VPS13D: variants seen among roughly 807,000 people sequenced by gnomAD.
VPS13D encodes vacuolar protein sorting 13 homolog D.
In VPS13D, 187 loss-of-function variants were observed where a neutral mutation model predicts 461.9. The ratio of observed to expected loss-of-function variants is 0.40; its 90% CI spans 0.36 to 0.46. The LOEUF (loss-of-function observed/expected upper bound fraction) is 0.46. Among genes scored for constraint, VPS13D ranks in the 20% least tolerant of loss-of-function variants. The pLI is 0.60. For missense variants in VPS13D, 4,711 were observed against 5,364.9 expected, an observed-to-expected ratio of 0.88 and a Z score of 3.81; for synonymous variants, 1,951 against 1,986.3, an observed-to-expected ratio of 0.98 and a Z score of 0.47.
Position 12,358,584 on chromosome 1 carries a change from GGC to G in VPS13D, c.10125_10126del (p.Leu3376AspfsTer3). ...GTCATCCAGCAAGGAAACCGCCCAGGGCTGATCTATAACATTGGTGGGTTACA... is the reference window on the plus strand; with the variant it reads ...GTCATCCAGCAAGGAAACCGCCCAGGTGATCTATAACATTGGTGGGTTACA... On this transcript the variant is annotated frameshift_variant, in exon 50 of 70. Transcript: ENST00000620676. LOFTEE classifies it high-confidence loss of function. The G allele has an allele frequency of 6.2e-7, 1 of 1,614,070 alleles. No individual in the cohort carries two copies. The highest frequency in any genetic ancestry group is 8.5e-7 in the Non-Finnish European group (1 of 1,179,994).
chr1:12,270,970 T>A (rs1310914180), intron 16 of VPS13D, 24 bp from the exon 17 acceptor site: 14 of 1,610,768 alleles, frequency 8.7e-6, no homozygotes, highest in Non-Finnish European at 1.2e-5. Flanking sequence ...ATTCTGACTC[T>A]GCTGTGTATT....
chr1:12,317,923 A>T, intron 30 of VPS13D, 149 bp from the exon 31 acceptor site: 1 of 680,454 alleles, frequency 1.5e-6, no homozygotes, highest in South Asian at 1.8e-5. Context: ...GTGTTATTCA[A>T]CCAGTGTTCA....
intron 29 of VPS13D, 114 bp downstream of exon 29, chr1:12,312,039 T>TA: frequency 4.7e-5 from 39 of 828,758 alleles, no homozygotes; most frequent in Middle Eastern, 3.5e-4. Flanking sequence ...TGGAATGTTG[T>TA]CTGCAGAGTG....
In VPS13D at chr1:12,311,845, G is replaced by C. The variant is rs781433181; in HGVS notation, c.6855G>C (p.Met2285Ile). ...TVLSGEVYTC[M>I]CFLIDMVNVS... The stretch of plus-strand genomic sequence containing the variant: ...TGAGTGGAGAAGTGTACACCTGTAT[G>C]TGCTTCCTCATTGATATGGTGAATG... The change falls in exon 29 of 70, where the codon ATG becomes ATC. Residue 2285 changes from methionine (M) to isoleucine (I), a missense_variant. Physicochemically the swap from Met to Ile is conservative, Grantham distance 10. Around this residue, in one of 3 missense-constraint regions of VPS13D, gnomAD observed 4,411 missense variants for 4,937.8 expected, o/e 0.89. Coordinates refer to ENST00000620676, the MANE Select transcript of VPS13D (RefSeq NM_015378.4). 6.2e-7 allele frequency: 1 copy of C among 1,614,172 alleles called. No individual in the cohort carries two copies. The highest frequency in any genetic ancestry group is 1.1e-5 in the South Asian group (1 of 91,084).
intron 65 of VPS13D, among the ~76,000 whole-genome samples, chr1:12,426,862 A>G (rs1644929870): frequency 6.6e-6 from 1 of 152,076 alleles, no homozygotes; most frequent in South Asian, 2.1e-4. Flanking sequence ...AAAAATAAAA[A>G]AATTAGCTGG....
chr1:12,234,008 A>G (rs1640068384), intron 1 of VPS13D, among the ~76,000 whole-genome samples, 183 bp from the exon 2 acceptor site: 1 of 152,252 alleles, frequency 6.6e-6, no homozygotes, highest in Non-Finnish European at 1.5e-5. Flanking sequence ...AGATTGTGCC[A>G]CTGCACCCCA....
At chr1:12,488,650 G>C (rs920680607) in intron 67 of VPS13D, among the ~76,000 whole-genome samples, 1 of 143,170 alleles carries the variant, frequency 7.0e-6, no homozygotes, top group Non-Finnish European at 1.5e-5. Context: ...AGAGGCTAAG[G>C]CAGGAAAATC....
intron 42 of VPS13D, 96 bp from the exon 43 acceptor site, chr1:12,345,278 C>T: frequency 1.4e-6 from 2 of 1,416,434 alleles, no homozygotes; most frequent in Non-Finnish European, 1.9e-6. Context: ...TGGGTTTTTA[C>T]ATCATATGTA....
chr1:12,487,852 C>A (rs1268275625), intron 67 of VPS13D, among the ~76,000 whole-genome samples: 1 of 152,112 alleles, frequency 6.6e-6, no homozygotes, highest in Admixed American at 6.5e-5. Flanking sequence ...GTGTTTTACC[C>A]CTGAAATTTT....
intron 20 of VPS13D, among the ~76,000 whole-genome samples, chr1:12,280,244 G>A (rs1396294262): frequency 6.6e-6 from 1 of 150,960 alleles, no homozygotes; most frequent in Admixed American, 6.6e-5. Context: ...ACGGTCTGTG[G>A]TCTGTGTCTG....
intron 63 of VPS13D, among the ~76,000 whole-genome samples, chr1:12,406,734 G>A (rs1644661066): frequency 6.6e-6 from 1 of 152,158 alleles, no homozygotes; most frequent in South Asian, 2.1e-4. Flanking sequence ...GTTAGAAAGT[G>A]GCCGAGTGAT....
intron 65 of VPS13D, among the ~76,000 whole-genome samples, chr1:12,442,720 C>T (rs1272888155): frequency 6.6e-6 from 1 of 152,062 alleles, no homozygotes; most frequent in Non-Finnish European, 1.5e-5. Context: ...ACCTCAGCCT[C>T]CTGAGTAACT....
intron 60 of VPS13D, 28 bp downstream of exon 60, chr1:12,386,362 T>C: frequency 1.3e-6 from 2 of 1,564,930 alleles, no homozygotes; most frequent in Non-Finnish European, 1.7e-6. Context: ...AAGCTGTTAG[T>C]CACCTTGTTT....
Position 12,375,861 on chromosome 1 carries a change from A to G in VPS13D, c.10917+2003A>G, listed in dbSNP as rs1025616289. 9.9e-5 allele frequency among the ~76,000 whole-genome samples: 15 copies of G among 151,096 alleles called. 2 individuals are homozygous for G. On this transcript the variant is annotated intron_variant, in intron 55 of 69. Transcript: ENST00000620676. ...CTGGGCCACCCCAACCCCCATCCCC[A>G]CCACACACACAAGCCCCATGGAGTT...
At chr1:12,335,899 C>A (rs757816022) in intron 39 of VPS13D, 72 bp downstream of exon 39, 2 of 1,596,346 alleles carry the variant, frequency 1.3e-6, no homozygotes, top group South Asian at 1.1e-5. Flanking sequence ...CTGAGAAATT[C>A]AAATGGAACC....
At chr1:12,425,182 C>G (rs1644909466) in intron 65 of VPS13D, among the ~76,000 whole-genome samples, 1 of 151,950 alleles carries the variant, frequency 6.6e-6, no homozygotes, top group Non-Finnish European at 1.5e-5. Flanking sequence ...TTCTAAAAGT[C>G]TGTCTCCATC....
chr1:12,363,605 C>G (rs1380291580), intron 52 of VPS13D, among the ~76,000 whole-genome samples: 1 of 152,110 alleles, frequency 6.6e-6, no homozygotes, highest in African/African-American at 2.4e-5. Flanking sequence ...TGATGCTGTT[C>G]TAGTAAATCA....
chr1:12,325,730 C>G (rs943897939), intron 35 of VPS13D, among the ~76,000 whole-genome samples: 3 of 152,208 alleles, frequency 2.0e-5, no homozygotes, highest in African/African-American at 7.2e-5. Flanking sequence ...ATATCAGCAG[C>G]ATCTTCCCAT....
At chr1:12,261,777 A>G in intron 12 of VPS13D, 124 bp from the exon 13 acceptor site, 1 of 823,930 alleles carries the variant, frequency 1.2e-6, no homozygotes, top group Non-Finnish European at 1.9e-6. Context: ...ATGACTTTGG[A>G]GTTCTTTCTT....
Sources: gnomAD v4.1 joint callset for allele counts (sites outside exome capture counted in the v4.1 genomes callset) on GRCh38, gnomAD v4.1.1 for gene constraint, gnomAD v4.1.1 regional missense constraint, MANE v1.5 for transcripts, NCBI Gene and HGNC (gene_info 2026-07-23, HGNC 2026-07-21) for gene names.